VPS13B: variants seen among roughly 807,000 people sequenced by gnomAD.
VPS13B encodes the protein vacuolar protein sorting 13 homolog B, also known as intermembrane lipid transfer protein VPS13B.
A neutral mutation model predicts 426.4 loss-of-function variants in VPS13B; 285 were observed. That is an observed-to-expected ratio of 0.67 (90% CI 0.61 to 0.74). The LOEUF is 0.74. Ranked by LOEUF, VPS13B falls within the 30% of genes least tolerant of loss-of-function variation. The pLI is 0.00. For missense variants in VPS13B, 4,537 were observed against 4,782.6 expected (o/e 0.95, Z 1.51); for synonymous variants, 1,676 against 1,676.4 (o/e 1.00, Z 0.01).
At chr8:99,454,125 T>A (rs1348003517) in intron 23 of VPS13B, among the ~76,000 whole-genome samples, 1 of 152,176 alleles carries the variant, frequency 6.6e-6, no homozygotes, top group African/African-American at 2.4e-5. Context: ...AACTTTTTCA[T>A]ATGGGATTCT....
chr8:99,619,327 G>C (rs1828251308), intron 33 of VPS13B, among the ~76,000 whole-genome samples: 1 of 152,156 alleles, frequency 6.6e-6, no homozygotes, highest in Non-Finnish European at 1.5e-5. Context: ...GCTGGGAGAA[G>C]GGGGTGCTGT....
intron 16 of VPS13B, among the ~76,000 whole-genome samples, chr8:99,172,932 T>G (rs2132671052): frequency 6.6e-6 from 1 of 152,320 alleles, no homozygotes; most frequent in Middle Eastern, 3.4e-3. Flanking sequence ...AATTTCTTTC[T>G]TTTATTTAAT....
intron 20 of VPS13B, among the ~76,000 whole-genome samples, chr8:99,384,729 C>T (rs145722192): frequency 4.1e-4 from 62 of 152,296 alleles, no homozygotes; most frequent in African/African-American, 1.3e-3. Context: ...GGCGTGATCT[C>T]GGCCCACTCC....
chr8:99,723,358 C>A (rs936868066), intron 39 of VPS13B, among the ~76,000 whole-genome samples: 1 of 152,118 alleles, frequency 6.6e-6, no homozygotes, highest in Non-Finnish European at 1.5e-5. Context: ...CTAAAATACT[C>A]CAAAATCCAA....
chr8:99,873,749 T>TA (rs1817552714), intron 61 of VPS13B, among the ~76,000 whole-genome samples: 1 of 151,556 alleles, frequency 6.6e-6, no homozygotes, highest in African/African-American at 2.4e-5. Context: ...TGCTGTAATC[T>TA]AGAGTATTTT....
At chr8:99,108,093 G>C (rs561707272) in intron 5 of VPS13B, among the ~76,000 whole-genome samples, 12 of 152,182 alleles carry the variant, frequency 7.9e-5, no homozygotes, top group African/African-American at 2.9e-4. Flanking sequence ...TTGAGAACAT[G>C]CAGTGTTTGG....
intron 2 of VPS13B, among the ~76,000 whole-genome samples, chr8:99,014,900 A>G (rs1181054161): frequency 6.6e-6 from 1 of 152,100 alleles, no homozygotes; most frequent in Non-Finnish European, 1.5e-5. Context: ...TTCATTTATT[A>G]CATTTATTAG....
intron 17 of VPS13B, among the ~76,000 whole-genome samples, chr8:99,220,115 C>T (rs1217052005): frequency 2.6e-5 from 4 of 152,174 alleles, no homozygotes; most frequent in South Asian, 4.2e-4. Context: ...TGTTTCCTGC[C>T]ATGATGAGAA....
chr8:99,217,282 C>T (rs1316998784), intron 17 of VPS13B, among the ~76,000 whole-genome samples: 1 of 151,980 alleles, frequency 6.6e-6, no homozygotes, highest in Non-Finnish European at 1.5e-5. Flanking sequence ...TTAGAATAGC[C>T]CTGTTGTTAG....
Position 99,865,605 on chromosome 8 carries a change from G to A in VPS13B, c.11216-2684G>A, listed in dbSNP as rs117641384. Among the ~76,000 whole-genome samples, 876 of 152,348 alleles carry A rather than the reference G, an allele frequency of 5.7e-3. 4 individuals carry two copies. The highest frequency in any genetic ancestry group is 0.01 in the Middle Eastern group (3 of 294). On this transcript the variant is annotated intron_variant, in intron 58 of 61. Coordinates refer to ENST00000357162, the MANE Select transcript of VPS13B (RefSeq NM_152564.5). ...ACCACCATCTGCCATTAGCAGACTG[G>A]TGTGTATTATAGTCAGTGCGGAATT... is the stretch of plus-strand genomic sequence containing the variant.
intron 17 of VPS13B, among the ~76,000 whole-genome samples, chr8:99,261,360 C>A (rs1225857082): frequency 6.6e-6 from 1 of 152,098 alleles, no homozygotes; most frequent in Non-Finnish European, 1.5e-5. Flanking sequence ...AAGATTGTAG[C>A]CTTTTCACAT....
At chr8:99,650,186 T>G (rs1368683122) in intron 34 of VPS13B, among the ~76,000 whole-genome samples, 1 of 152,148 alleles carries the variant, frequency 6.6e-6, no homozygotes, top group Non-Finnish European at 1.5e-5. Context: ...TTTTATATCT[T>G]TACATCTTGA....
Position 99,820,040 on chromosome 8 carries a change from A to C in VPS13B, c.8912A>C (p.Lys2971Thr), listed in dbSNP as rs375393153. The stretch of plus-strand genomic sequence containing the variant: ...TGGGCCCTGCTTATCAATGAATCCA[A>C]ATGGGACCTCTGGCTATTTGAAGGA... ...LPWALLINESKWDLWLFEGEK... is the reference protein window; with the variant it reads ...LPWALLINESTWDLWLFEGEK... Residue 2971 changes from lysine (K) to threonine (T), a missense_variant, in exon 49 of 62, where the codon AAA becomes ACA. This residue lies in a region of VPS13B where 4,311 missense variants were observed against 4,474.3 expected (regional missense o/e 0.96). Transcript: ENST00000357162. 7 of 1,613,886 alleles carry C rather than the reference A, an allele frequency of 4.3e-6. No individual in the cohort carries two copies. The highest frequency in any genetic ancestry group is 3.4e-6 in the Non-Finnish European group (4 of 1,179,908).
intron 33 of VPS13B, among the ~76,000 whole-genome samples, chr8:99,584,256 G>A (rs541829389): frequency 2.0e-5 from 3 of 152,284 alleles, no homozygotes; most frequent in East Asian, 3.9e-4. Context: ...CCTTGTCAAC[G>A]TTAAAATTAG....
intron 3 of VPS13B, among the ~76,000 whole-genome samples, chr8:99,047,311 C>T (rs1263650549): frequency 2.0e-5 from 3 of 152,116 alleles, no homozygotes; most frequent in Non-Finnish European, 4.4e-5. Flanking sequence ...CTAGTTTGTG[C>T]ATGTAAAGGT....
Position 99,121,248 on chromosome 8 carries a change from C to G in VPS13B, c.1009C>G (p.Gln337Glu). The G allele has an allele frequency of 6.2e-7, 1 of 1,614,086 alleles. No individual in the cohort carries two copies. The highest frequency in any genetic ancestry group is 1.1e-5 in the South Asian group (1 of 91,072). ...QHKGQELYSQ[Q>E]DEEQPQGWVS... The stretch of plus-strand genomic sequence containing the variant: ...TAAAGGTCAAGAGTTATATTCACAG[C>G]AAGATGAGGAGCAGCCACAGGGATG... The change falls in exon 8 of 62, where the codon CAA (glutamine) becomes GAA (glutamate). Residue 337 changes from glutamine (Q) to glutamate (E), a missense_variant. By Grantham distance (29) the Gln-to-Glu change is conservative. This residue lies in a region of VPS13B where 4,311 missense variants were observed against 4,474.3 expected (regional missense o/e 0.96). Coordinates refer to ENST00000357162, the MANE Select transcript of VPS13B (RefSeq NM_152564.5).
chr8:99,650,264 A>G (rs531539284), intron 34 of VPS13B, among the ~76,000 whole-genome samples: 179 of 152,214 alleles, frequency 1.2e-3, no homozygotes, highest in Non-Finnish European at 1.3e-3. Context: ...CATTAACTTG[A>G]TTCTTCCCGT....
At chr8:99,506,758 A>G (rs1262325003) in intron 27 of VPS13B, among the ~76,000 whole-genome samples, 1 of 152,156 alleles carries the variant, frequency 6.6e-6, no homozygotes, top group African/African-American at 2.4e-5. Context: ...TGGGGAGGCT[A>G]AGGTGGGTGG....
At chr8:99,096,237 A>G (rs1205222609) in intron 3 of VPS13B, 75 bp from the exon 4 acceptor site, 15 of 1,554,832 alleles carry the variant, frequency 9.6e-6, no homozygotes, top group Non-Finnish European at 1.3e-5. Flanking sequence ...TAAACTGCAT[A>G]TATTAAAAAA....
Sources: gnomAD v4.1 joint callset for allele counts (sites outside exome capture counted in the v4.1 genomes callset) on GRCh38, gnomAD v4.1.1 for gene constraint, gnomAD v4.1.1 regional missense constraint, MANE v1.5 for transcripts, NCBI Gene and HGNC (gene_info 2026-07-23, HGNC 2026-07-21) for gene names.